ZNF385D: variants seen among roughly 807,000 people sequenced by gnomAD.
ZNF385D encodes the protein zinc finger protein 385D.
ZNF385D carries 15 observed loss-of-function variants against 35.8 expected under a neutral mutation model. That is an observed-to-expected ratio of 0.42 (90% CI 0.28 to 0.64). The LOEUF (loss-of-function observed/expected upper bound fraction) is 0.64. Among genes scored for constraint, ZNF385D ranks in the 30% least tolerant of loss-of-function variants. The pLI, the probability that ZNF385D is intolerant of heterozygous loss-of-function variation, is 0.23. For missense variants in ZNF385D, 474 were observed against 494.6 expected, an observed-to-expected ratio of 0.96 and a Z score of 0.39; for synonymous variants, 212 against 186.8, an observed-to-expected ratio of 1.13 and a Z score of -1.10.
rs974759958 is a variant in ZNF385D at position 22,359,885 on chromosome 3, G to C, written c.106+12565C>G. 5.3e-5 allele frequency among the ~76,000 whole-genome samples: 8 copies of C among 151,668 alleles called. 1 individual carries two copies. Among genetic ancestry groups the C allele is most frequent in the African/African-American group, 9.7e-5 (4 of 41,354 alleles). On this transcript the variant is annotated intron_variant, in intron 2 of 5. Transcript: ENST00000494108. ...TATTTTTTAAACCTGTGTTATAAGAGAGAATTAGATATACATACTAGCGGC... is the reference window on the plus strand; with the variant it reads ...TATTTTTTAAACCTGTGTTATAAGACAGAATTAGATATACATACTAGCGGC...
chr3:22,234,706 T>C (rs139439810), intron 2 of ZNF385D, among the ~76,000 whole-genome samples: 1 of 152,174 alleles, frequency 6.6e-6, no homozygotes, highest in East Asian at 1.9e-4. Flanking sequence ...TAATTATATA[T>C]CTCTTTGTAT....
At chr3:21,784,608 A>G (rs1160194490) in intron 3 of ZNF385D, among the ~76,000 whole-genome samples, 1 of 152,048 alleles carries the variant, frequency 6.6e-6, no homozygotes, top group African/African-American at 2.4e-5. Context: ...GGCACTAAAC[A>G]TCTCAGTGGT....
chr3:21,685,650 G>A (rs1300313853), intron 1 of ZNF385D, among the ~76,000 whole-genome samples: 1 of 152,082 alleles, frequency 6.6e-6, no homozygotes, highest in Non-Finnish European at 1.5e-5. Flanking sequence ...AATCTCAAGG[G>A]CTCTGAATAG....
intron 3 of ZNF385D, among the ~76,000 whole-genome samples, chr3:21,525,255 A>G (rs965286553): frequency 2.0e-5 from 3 of 152,228 alleles, no homozygotes; most frequent in Non-Finnish European, 2.9e-5. Context: ...TTCAGTTTTT[A>G]AATTGACCTC....
chr3:22,133,501 A>G (rs1310296644), intron 3 of ZNF385D: 1 of 152,130 alleles, frequency 6.6e-6, no homozygotes, highest in Non-Finnish European at 1.5e-5. Flanking sequence ...CAGCATTATA[A>G]TCACATTAAA....
rs182400735 is a variant in ZNF385D, at chr3:22,064,823, A to G, written c.325+103994T>C. Among the ~76,000 whole-genome samples, 27 of 152,344 alleles carry G rather than the reference A, an allele frequency of 1.8e-4. No individual in the cohort carries two copies. The East Asian group carries it at 5.2e-3, about 29-fold the overall frequency. On this transcript the variant is annotated intron_variant, in intron 3 of 5. Coordinates refer to the ZNF385D transcript ENST00000494108. The stretch of plus-strand genomic sequence containing the variant: ...AAGGGAGATGATGATCAAAGGGTAT[A>G]AAGTTCAGTTAGAGAGGAGGAAGAA...
At chr3:21,508,347 G>A (rs1706943025) in intron 4 of ZNF385D, among the ~76,000 whole-genome samples, 1 of 152,076 alleles carries the variant, frequency 6.6e-6, no homozygotes, top group African/African-American at 2.4e-5. Context: ...TAAAATTTAA[G>A]GACCCTCTAA....
chr3:21,602,735 T>G (rs370201123), intron 2 of ZNF385D, among the ~76,000 whole-genome samples: 14 of 150,806 alleles, frequency 9.3e-5, no homozygotes, highest in South Asian at 2.1e-4. Flanking sequence ...GGGTTTCACC[T>G]TGTTAGCCAG....
chr3:21,971,817 C>G (rs1475829821), intron 3 of ZNF385D, among the ~76,000 whole-genome samples: 2 of 151,674 alleles, frequency 1.3e-5, no homozygotes, highest in African/African-American at 4.8e-5. Context: ...GAGTGGCTAT[C>G]CTTATATTAG....
At chr3:21,808,595 A>C (rs1171700870) in intron 3 of ZNF385D, among the ~76,000 whole-genome samples, 1 of 152,224 alleles carries the variant, frequency 6.6e-6, no homozygotes. Context: ...TGCTGTGGCC[A>C]TAGAGCTACT....
intron 4 of ZNF385D, among the ~76,000 whole-genome samples, chr3:21,442,677 T>C (rs1337484209): frequency 1.3e-5 from 2 of 151,718 alleles, no homozygotes; most frequent in Non-Finnish European, 2.9e-5. Context: ...CTTTTTTTTT[T>C]TTCTTGTAAA....
chr3:21,527,966 T>A (rs1486673126), intron 3 of ZNF385D, among the ~76,000 whole-genome samples: 1 of 152,194 alleles, frequency 6.6e-6, no homozygotes, highest in Non-Finnish European at 1.5e-5. Context: ...CTTCATACTT[T>A]TCCTCCAAGT....
intron 3 of ZNF385D, among the ~76,000 whole-genome samples, chr3:21,854,189 C>T (rs1420789017): frequency 6.9e-6 from 1 of 143,952 alleles, no homozygotes; most frequent in Non-Finnish European, 1.6e-5. Context: ...TTTCTATTCT[C>T]ATCTTGGGCC....
intron 3 of ZNF385D, among the ~76,000 whole-genome samples, chr3:21,826,765 T>C (rs1255843028): frequency 1.3e-5 from 2 of 151,134 alleles, no homozygotes; most frequent in Non-Finnish European, 2.9e-5. Flanking sequence ...TAGAGAATTC[T>C]CTACTGTTCA....
At chr3:22,044,202 C>T (rs1045852629) in intron 3 of ZNF385D, among the ~76,000 whole-genome samples, 1 of 151,520 alleles carries the variant, frequency 6.6e-6, no homozygotes, top group Non-Finnish European at 1.5e-5. Context: ...GATGAATTGG[C>T]ACCAGTGAGG....
intron 3 of ZNF385D, among the ~76,000 whole-genome samples, chr3:21,973,219 T>A (rs1703376988): frequency 6.6e-6 from 1 of 152,002 alleles, no homozygotes; most frequent in African/African-American, 2.4e-5. Context: ...TCATTCATCA[T>A]GACCAAGTTG....
At chr3:21,954,069 A>C (rs1702180943) in intron 3 of ZNF385D, among the ~76,000 whole-genome samples, 1 of 152,002 alleles carries the variant, frequency 6.6e-6, no homozygotes. Context: ...GATTTTATTT[A>C]ATCACAGCAT....
rs567112580 is a variant in ZNF385D, at chr3:21,489,096, T to A, written c.439+21765A>T. Among the ~76,000 whole-genome samples, 3 of 152,242 alleles carry A rather than the reference T, an allele frequency of 2.0e-5. No homozygotes were observed. The East Asian group carries it at 5.8e-4, about 29-fold the overall frequency. ...AATGGACTGAAACCTGTTAAAATGCTGCTAAATAATAAGGCAAATTTTTCT... is the reference window on the plus strand; with the variant it reads ...AATGGACTGAAACCTGTTAAAATGCAGCTAAATAATAAGGCAAATTTTTCT... On this transcript the variant is annotated intron_variant, in intron 4 of 7. Coordinates refer to ENST00000281523, the MANE Select transcript of ZNF385D (RefSeq NM_024697.3).
intron 2 of ZNF385D, among the ~76,000 whole-genome samples, chr3:22,336,962 T>A (rs991592913): frequency 6.2e-5 from 7 of 113,794 alleles, no homozygotes; most frequent in Non-Finnish European, 1.0e-4. Context: ...GAGGAGAGAA[T>A]ATTTTATGCT....
Sources: gnomAD v4.1 joint callset for allele counts (sites outside exome capture counted in the v4.1 genomes callset) on GRCh38, gnomAD v4.1.1 for gene constraint, MANE v1.5 for transcripts, NCBI Gene and HGNC (gene_info 2026-07-23, HGNC 2026-07-21) for gene names.